Variants in UNC13C observed in about 807,000 individuals in gnomAD.
The protein encoded by UNC13C is protein unc-13 homolog C.
UNC13C carries 174 observed loss-of-function variants against 245.4 expected under a neutral mutation model. That is an observed-to-expected ratio of 0.71 (90% CI 0.63 to 0.80). The LOEUF (loss-of-function observed/expected upper bound fraction) is 0.80. Among genes scored for constraint, UNC13C ranks in the 30% least tolerant of loss-of-function variants. UNC13C has a pLI of 0.00. For synonymous variants in UNC13C, 992 were observed against 895.1 expected (o/e 1.11, Z -1.93); for missense variants, 2,829 against 2,602.9 (o/e 1.09, Z -1.89).
intron 19 of UNC13C, among the ~76,000 whole-genome samples, chr15:54,417,712 G>T (rs2040551177): frequency 6.6e-6 from 1 of 152,002 alleles, no homozygotes; most frequent in Non-Finnish European, 1.5e-5. Context: ...TTGAAAAAAA[G>T]AACTATGTTA....
chr15:54,570,844 G>A (rs1216226479), intron 30 of UNC13C, among the ~76,000 whole-genome samples: 1 of 152,136 alleles, frequency 6.6e-6, no homozygotes. Context: ...CTTCTGTCCA[G>A]TCCATGTTCT....
chr15:54,309,526 T>C (rs953921137), intron 13 of UNC13C, among the ~76,000 whole-genome samples: 1 of 151,940 alleles, frequency 6.6e-6, no homozygotes, highest in Admixed American at 6.6e-5. Context: ...CCATTGTCTA[T>C]TTTTGCTTTT....
At chr15:54,568,256 G>T (rs931227987) in intron 30 of UNC13C, among the ~76,000 whole-genome samples, 2 of 152,010 alleles carry the variant, frequency 1.3e-5, no homozygotes, top group East Asian at 3.8e-4. Flanking sequence ...TTATGACCAA[G>T]ATATTTTCTT....
intron 15 of UNC13C, among the ~76,000 whole-genome samples, chr15:54,332,551 A>C (rs149245811): frequency 1.3e-3 from 192 of 152,078 alleles, no homozygotes; most frequent in African/African-American, 4.4e-3. Flanking sequence ...CGTGATACCA[A>C]GAGTACCATT....
intron 2 of UNC13C, among the ~76,000 whole-genome samples, chr15:54,092,469 A>G (rs1899625119): frequency 6.6e-6 from 1 of 152,188 alleles, no homozygotes; most frequent in South Asian, 2.1e-4. Context: ...ATTTCTTCTC[A>G]TAACACAGTG....
chr15:53,964,169 G>A, the UNC13C span, among the ~76,000 whole-genome samples: 3 of 152,144 alleles, frequency 2.0e-5, no homozygotes, highest in African/African-American at 7.2e-5. Context: ...TAGGAGTACT[G>A]ACAAATCTCA....
intron 19 of UNC13C, among the ~76,000 whole-genome samples, chr15:54,419,900 A>T (rs1195084396): frequency 1.3e-5 from 2 of 152,064 alleles, no homozygotes; most frequent in South Asian, 4.1e-4. Flanking sequence ...CTCAAGTATG[A>T]CAACTTTTTT....
the UNC13C span, among the ~76,000 whole-genome samples, chr15:53,858,609 C>T: frequency 2.6e-5 from 4 of 151,804 alleles, no homozygotes; most frequent in East Asian, 3.9e-4. Context: ...TTCATAGAGA[C>T]GGGGTTTCAC....
chr15:54,052,069 T>C (rs1358530811), intron 2 of UNC13C, among the ~76,000 whole-genome samples: 17 of 116,948 alleles, frequency 1.5e-4, no homozygotes, highest in African/African-American at 5.6e-4. Flanking sequence ...ATTTCATCCA[T>C]GTCCCTACAA....
chr15:54,483,964 GCACA>G (rs1391163395), intron 19 of UNC13C, among the ~76,000 whole-genome samples: 5 of 52,806 alleles, frequency 9.5e-5, no homozygotes, highest in East Asian at 2.5e-3. Context: ...ACACACACAT[GCACA>G]CTCACACACT....
chr15:54,343,136 A>G (rs1370892201), intron 17 of UNC13C, among the ~76,000 whole-genome samples: 1 of 151,084 alleles, frequency 6.6e-6, no homozygotes, highest in Non-Finnish European at 1.5e-5. Flanking sequence ...ACCCATGCAT[A>G]ACTTTTTTTT....
chr15:54,334,015 G>A (rs1211810805), intron 16 of UNC13C, among the ~76,000 whole-genome samples, 159 bp downstream of exon 16: 1 of 151,928 alleles, frequency 6.6e-6, no homozygotes, highest in African/African-American at 2.4e-5. Context: ...TCCAATATAA[G>A]GTATAGTGAA....
intron 2 of UNC13C, among the ~76,000 whole-genome samples, chr15:54,113,709 C>G (rs1241712858): frequency 1.3e-5 from 2 of 152,130 alleles, no homozygotes; most frequent in South Asian, 4.2e-4. Flanking sequence ...GCCTGTTGTC[C>G]CAGTTACTCG....
At chr15:54,626,023 G>A (rs1164429585) in intron 32 of UNC13C, among the ~76,000 whole-genome samples, 1 of 151,978 alleles carries the variant, frequency 6.6e-6, no homozygotes, top group African/African-American at 2.4e-5. Flanking sequence ...TGTTTCATCA[G>A]AAAAAAATCA....
intron 17 of UNC13C, among the ~76,000 whole-genome samples, chr15:54,353,364 C>G (rs2036909): frequency 0.47 from 71,697 of 151,914 alleles, 17,289 homozygotes; most frequent in East Asian, 0.74. Flanking sequence ...TACATCCAGA[C>G]AGACTCTGCT....
intron 2 of UNC13C, among the ~76,000 whole-genome samples, chr15:54,066,496 T>C (rs761248467): frequency 8.5e-5 from 13 of 152,110 alleles, no homozygotes; most frequent in Admixed American, 7.2e-4. Context: ...TGTGCACTTA[T>C]GTGAAAACAC....
chr15:54,148,414 G>T (rs1046708385), intron 4 of UNC13C, among the ~76,000 whole-genome samples: 2 of 152,100 alleles, frequency 1.3e-5, no homozygotes, highest in Non-Finnish European at 2.9e-5. Context: ...TGTCAGTTAG[G>T]TTCAACAAAG....
the UNC13C span, among the ~76,000 whole-genome samples, chr15:53,880,196 C>T: frequency 6.6e-6 from 1 of 152,020 alleles, no homozygotes; most frequent in African/African-American, 2.4e-5. Flanking sequence ...TTTTCTAGTG[C>T]TATTTTTGCT....
rs568842046 is a variant in UNC13C, at chr15:54,613,170, T to A, written c.6107-9157T>A. Among the ~76,000 whole-genome samples, 10 of 151,994 alleles carry A rather than the reference T, an allele frequency of 6.6e-5. No homozygotes were observed. The East Asian group carries it at 1.9e-3, about 29-fold the overall frequency. On this transcript the variant is annotated intron_variant, in intron 30 of 32. Coordinates refer to ENST00000260323, the MANE Select transcript of UNC13C (RefSeq NM_001080534.3). ...CAAAATCAATAGCTTTTTTACATAATAGCCAATTAGTATATAAAATTAAAA... is the reference window on the plus strand; with the variant it reads ...CAAAATCAATAGCTTTTTTACATAAAAGCCAATTAGTATATAAAATTAAAA...
Sources: gnomAD v4.1 joint callset for allele counts (sites outside exome capture counted in the v4.1 genomes callset) on GRCh38, gnomAD v4.1.1 for gene constraint, MANE v1.5 for transcripts, NCBI Gene and HGNC (gene_info 2026-07-23, HGNC 2026-07-21) for gene names.